SOS2: variants seen among roughly 807,000 people sequenced by gnomAD.
SOS2 encodes SOS Ras/Rho guanine nucleotide exchange factor 2.
Under a neutral mutation model 148.2 loss-of-function variants are expected in SOS2, and 65 were observed. That is an observed-to-expected ratio of 0.44 (90% confidence interval 0.36 to 0.54). The LOEUF is 0.54. SOS2 is among the 20% of genes least tolerant of loss of function. The pLI is 0.00. For missense variants in SOS2, 1,341 were observed against 1,590.2 expected (o/e 0.84, Z 2.67); for synonymous variants, 539 against 537.1 (o/e 1.00, Z -0.05).
At chr14:50,201,402 T>G (rs1185990668) in intron 2 of SOS2, among the ~76,000 whole-genome samples, 1 of 151,698 alleles carries the variant, frequency 6.6e-6, no homozygotes, top group Non-Finnish European at 1.5e-5. Context: ...ATGGTGGTGG[T>G]GCATGCCTAT....
intron 1 of SOS2, among the ~76,000 whole-genome samples, chr14:50,208,743 G>A (rs546005524): frequency 5.3e-5 from 8 of 152,336 alleles, no homozygotes; most frequent in Admixed American, 3.3e-4. Flanking sequence ...TCAAGGAAAA[G>A]GATATTTTCT....
intron 1 of SOS2, among the ~76,000 whole-genome samples, chr14:50,211,447 G>C (rs1346161561): frequency 6.6e-6 from 1 of 152,056 alleles, no homozygotes; most frequent in East Asian, 1.9e-4. Flanking sequence ...ACTGAGCATA[G>C]TACTACCTCC....
chr14:50,161,390 A>G (rs1885004514), intron 9 of SOS2, 92 bp downstream of exon 9: 2 of 944,094 alleles, frequency 2.1e-6, no homozygotes, highest in Middle Eastern at 2.2e-4. Flanking sequence ...CAATAATGTA[A>G]CTATCACAAT....
At chr14:50,193,235 T>C (rs1308489519) in intron 4 of SOS2, among the ~76,000 whole-genome samples, 4 of 152,066 alleles carry the variant, frequency 2.6e-5, no homozygotes, top group Non-Finnish European at 5.9e-5. Context: ...AGAGATGATG[T>C]CTTGCTATGC....
Position 50,169,003 on chromosome 14 carries a change from C to T in SOS2, c.1068+5451G>A, listed in dbSNP as rs181014447. Among the ~76,000 whole-genome samples the T allele has an allele frequency of 3.6e-4, 55 of 152,190 alleles. No homozygotes were observed. In the East Asian group the frequency reaches 6.6e-3, roughly 18 times the overall value. On this transcript the variant is annotated intron_variant, in intron 8 of 22. Transcript: ENST00000216373. ...ATTAGAGGATACCATATATAGTTAC[C>T]TAAAATTATTTCAAAGTACATTGTT...
chr14:50,204,212 G>T, intron 2 of SOS2, 72 bp downstream of exon 2: 2 of 858,826 alleles, frequency 2.3e-6, no homozygotes, highest in Non-Finnish European at 3.4e-6. Context: ...CAATAAATTA[G>T]AATGATATAG....
chr14:50,165,623 C>CTTG (rs1190923462), intron 8 of SOS2, among the ~76,000 whole-genome samples: 5 of 152,144 alleles, frequency 3.3e-5, no homozygotes, highest in African/African-American at 1.2e-4. Context: ...ATTTTCTTCA[C>CTTG]TAAATTGTAA....
chr14:50,159,059 G>T (rs539158128), intron 10 of SOS2, among the ~76,000 whole-genome samples: 3 of 151,894 alleles, frequency 2.0e-5, no homozygotes, highest in Non-Finnish European at 4.4e-5. Context: ...GCATTGTTGC[G>T]GGCGCCTATA....
chr14:50,230,708 GACTC>G (rs1377469550), intron 1 of SOS2: 2 of 156,078 alleles, frequency 1.3e-5, no homozygotes, highest in African/African-American at 2.4e-5. Flanking sequence ...AGAATATTAT[GACTC>G]ACTGACATTT....
chr14:50,122,605 A>G (rs149545642), intron 21 of SOS2, among the ~76,000 whole-genome samples: 1,576 of 152,174 alleles, frequency 0.01, 7 homozygotes, highest in Non-Finnish European at 0.015. Flanking sequence ...AGCAGATGAT[A>G]TGTGAATGAT....
intron 8 of SOS2, among the ~76,000 whole-genome samples, chr14:50,165,979 C>A (rs531596696): frequency 1.3e-5 from 2 of 152,246 alleles, no homozygotes; most frequent in Admixed American, 1.3e-4. Flanking sequence ...TTTTTTGCTA[C>A]ACTAATACCC....
intron 20 of SOS2, among the ~76,000 whole-genome samples, 175 bp downstream of exon 20, chr14:50,130,326 A>C (rs1883826393): frequency 6.6e-6 from 1 of 152,236 alleles, no homozygotes; most frequent in South Asian, 2.1e-4. Flanking sequence ...AATATGCATC[A>C]ACAATGCACA....
intron 1 of SOS2, among the ~76,000 whole-genome samples, chr14:50,222,618 G>A (rs1476987646): frequency 6.6e-6 from 1 of 152,168 alleles, no homozygotes; most frequent in East Asian, 1.9e-4. Context: ...TCTGAGGGAA[G>A]GGTGTTTCAG....
intron 21 of SOS2, among the ~76,000 whole-genome samples, chr14:50,127,773 T>C (rs142968259): frequency 6.6e-6 from 1 of 152,346 alleles, no homozygotes; most frequent in Non-Finnish European, 1.5e-5. Flanking sequence ...TTTCATTCAC[T>C]GCTATCACTC....
intron 1 of SOS2, among the ~76,000 whole-genome samples, chr14:50,215,157 T>G (rs1887009659): frequency 6.6e-6 from 1 of 152,016 alleles, no homozygotes; most frequent in South Asian, 2.1e-4. Flanking sequence ...TATAACATCT[T>G]TCCATAAAAA....
At chr14:50,201,851 A>G (rs1566477831) in intron 2 of SOS2, among the ~76,000 whole-genome samples, 1 of 152,208 alleles carries the variant, frequency 6.6e-6, no homozygotes, top group African/African-American at 2.4e-5. Flanking sequence ...GAGGTCATGT[A>G]TCTCTTGGAA....
chr14:50,185,342 T>TA (rs1885873643), intron 5 of SOS2, among the ~76,000 whole-genome samples: 1 of 152,060 alleles, frequency 6.6e-6, no homozygotes, highest in East Asian at 1.9e-4. Flanking sequence ...TACTTTGGTG[T>TA]ATGGGGAAAA....
At chr14:50,219,547 G>A (rs1175931767) in intron 1 of SOS2, among the ~76,000 whole-genome samples, 1 of 152,136 alleles carries the variant, frequency 6.6e-6, no homozygotes, top group Non-Finnish European at 1.5e-5. Context: ...ATAGGAGGGA[G>A]AATTACAGTC....
In SOS2 at chr14:50,159,731, C is replaced by G; in HGVS notation, c.1552G>C (p.Asp518His). The G allele has an allele frequency of 4.3e-6, 7 of 1,614,030 alleles. No homozygotes were observed. The highest frequency in any genetic ancestry group is 5.1e-6 in the Non-Finnish European group (6 of 1,179,962). The change falls in exon 10 of 23, where the codon GAT (aspartate) becomes CAT (histidine). Residue 518 changes from aspartate (D) to histidine (H), a missense_variant. Around this residue, in one of 4 missense-constraint regions of SOS2, gnomAD observed 574 missense variants for 711.1 expected, o/e 0.81. Coordinates refer to ENST00000216373, the MANE Select transcript of SOS2 (RefSeq NM_006939.4). ...HKHAFELVSK[D>H]ENSIIFAAKS... is the part of the protein sequence containing the mutation. ...GCAGCAAATATTATGCTGTTCTCAT[C>G]TTTGGATACTAATTCAAATGCATGC...
Sources: gnomAD v4.1 joint callset for allele counts (sites outside exome capture counted in the v4.1 genomes callset) on GRCh38, gnomAD v4.1.1 for gene constraint, gnomAD v4.1.1 regional missense constraint, MANE v1.5 for transcripts, NCBI Gene and HGNC (gene_info 2026-07-23, HGNC 2026-07-21) for gene names.